DTNB: variants seen among roughly 807,000 people sequenced by gnomAD.
The protein encoded by DTNB is dystrobrevin beta.
In DTNB, 63 loss-of-function variants were observed where a neutral mutation model predicts 90.7. The observed-to-expected ratio is 0.69, with a 90% confidence interval of 0.57 to 0.86. DTNB has a LOEUF of 0.86. Among genes scored for constraint, DTNB ranks in the 40% least tolerant of loss-of-function variants. The pLI is 0.00. For synonymous variants in DTNB, 277 were observed against 286.7 expected (o/e 0.97, Z 0.34); for missense variants, 744 against 807.1 (o/e 0.92, Z 0.95).
Position 25,576,919 on chromosome 2 carries a change from C to G in DTNB, c.795G>C (p.Gln265His). 1 of 1,613,164 alleles carries G rather than the reference C, an allele frequency of 6.2e-7. No individual in the cohort carries two copies. The highest frequency in any genetic ancestry group is 8.5e-7 in the Non-Finnish European group (1 of 1,179,630). ...CACGCCAAAAGCAATTCTGGCAGAG[C>G]TGATAGTTGTGGCACTGCTGGCATC... ...RYRCQQCHNY[Q>H]LCQNCFWRGH... The change falls in exon 8 of 21, where the codon CAG becomes CAC. Residue 265 changes from glutamine to histidine, a missense_variant. Gln to His is a conservative substitution (Grantham distance 24). Transcript: ENST00000406818.
intron 9 of DTNB, among the ~76,000 whole-genome samples, chr2:25,526,774 C>CA (rs1230277595): frequency 6.6e-6 from 1 of 152,078 alleles, no homozygotes; most frequent in Non-Finnish European, 1.5e-5. Flanking sequence ...ACGACGAGCA[C>CA]ATTAGAATGG....
At position 25,377,571 on chromosome 2, in the gene DTNB, A is replaced by C. The variant is rs374650297; in HGVS notation, c.*30-18T>G. ...CTCTGTGCCTGCGCAAGACACACTCACCGTTAGTCACGGGCACTGTTGAGG... is the reference window on the plus strand; with the variant it reads ...CTCTGTGCCTGCGCAAGACACACTCCCCGTTAGTCACGGGCACTGTTGAGG... On this transcript the variant is annotated intron_variant, in intron 20 of 20. Coordinates refer to ENST00000406818, the MANE Select transcript of DTNB (RefSeq NM_021907.5). The C allele has an allele frequency of 2.6e-5, 4 of 152,544 alleles. No individual in the cohort carries two copies. The highest frequency in any genetic ancestry group is 3.8e-4 in the East Asian group (2 of 5,322). The allele number at this position is 152,544 out of a possible 1,614,324, so 9.4% of individuals were successfully genotyped here. A position where few individuals can be genotyped will look rare whatever the true frequency, so the allele number is the denominator to read the frequency against.
intron 9 of DTNB, among the ~76,000 whole-genome samples, chr2:25,520,602 A>G (rs1362286099): frequency 6.6e-6 from 1 of 152,366 alleles, no homozygotes; most frequent in Admixed American, 6.5e-5. Context: ...AATTCTGCTG[A>G]TATATTTAAA....
chr2:25,584,033 T>C (rs566753302), intron 6 of DTNB, among the ~76,000 whole-genome samples: 2 of 152,354 alleles, frequency 1.3e-5, no homozygotes, highest in African/African-American at 2.4e-5. Flanking sequence ...AGAAAATCAC[T>C]GAACATCTCT....
intron 4 of DTNB, among the ~76,000 whole-genome samples, chr2:25,618,051 C>T (rs2071305628): frequency 6.6e-6 from 1 of 152,100 alleles, no homozygotes; most frequent in African/African-American, 2.4e-5. Flanking sequence ...AAACTTAGCT[C>T]TTTTCTCTCA....
intron 12 of DTNB, among the ~76,000 whole-genome samples, chr2:25,445,002 C>G (rs1484165393): frequency 2.0e-5 from 3 of 152,092 alleles, no homozygotes; most frequent in Non-Finnish European, 2.9e-5. Context: ...CGATCATTTC[C>G]AGAAGAATTA....
In DTNB at chr2:25,455,467, A is replaced by G. The variant is rs777357540; in HGVS notation, c.1107T>C (p.Ser369=). The change falls in exon 11 of 21, where the codon AGT becomes AGC. Residue 369 remains serine (S), a synonymous_variant. Transcript: ENST00000406818. ...KRLQYSQDIP[S]HLADEHALIA... is the part of the protein sequence containing the mutation. The stretch of plus-strand genomic sequence containing the variant: ...TCAGCGCATGCTCATCGGCCAAGTG[A>G]CTGGGTATATCCTGGCTATACTGTA... The G allele has an allele frequency of 1.2e-6, 2 of 1,607,686 alleles. No individual in the cohort carries two copies. The highest frequency in any genetic ancestry group is 1.7e-6 in the Non-Finnish European group (2 of 1,177,186).
chr2:25,524,026 C>T (rs1344239228), intron 9 of DTNB, among the ~76,000 whole-genome samples: 1 of 151,742 alleles, frequency 6.6e-6, no homozygotes, highest in African/African-American at 2.4e-5. Flanking sequence ...CTCAGCCTCC[C>T]GAGTAGCTGG....
intron 10 of DTNB, among the ~76,000 whole-genome samples, chr2:25,474,593 A>G (rs1157045404): frequency 6.6e-6 from 1 of 152,192 alleles, no homozygotes; most frequent in African/African-American, 2.4e-5. Flanking sequence ...GCTATATTCT[A>G]TAGATAATAA....
intron 3 of DTNB, among the ~76,000 whole-genome samples, chr2:25,633,283 C>A (rs963244887): frequency 4.6e-5 from 7 of 152,128 alleles, no homozygotes; most frequent in Non-Finnish European, 1.0e-4. Context: ...CCTGCCTCAG[C>A]CTGCCCAGCG....
At chr2:25,446,500 C>G (rs2058449755) in intron 12 of DTNB, among the ~76,000 whole-genome samples, 1 of 152,200 alleles carries the variant, frequency 6.6e-6, no homozygotes, top group South Asian at 2.1e-4. Context: ...AAGCAATCTG[C>G]CCACCTTGGC....
In DTNB at chr2:25,549,707, T is replaced by C. The variant is rs188871092; in HGVS notation, c.877-18110A>G. Among the ~76,000 whole-genome samples, 74 of 152,274 alleles carry C rather than the reference T, an allele frequency of 4.9e-4. 2 individuals are homozygous for C. In the East Asian group the frequency reaches 0.013, roughly 27 times the overall value. On this transcript the variant is annotated intron_variant, in intron 8 of 20. Transcript: ENST00000406818. ...TATTACCTTCTGGGTTCATTTTCTT[T>C]CTTACTGCAGTGGAGTAATCATGGC...
chr2:25,633,383 C>T (rs576225287), intron 3 of DTNB, among the ~76,000 whole-genome samples: 1 of 152,278 alleles, frequency 6.6e-6, no homozygotes, highest in African/African-American at 2.4e-5. Flanking sequence ...CCGGGCTGGT[C>T]TCCAGCTCCT....
chr2:25,471,089 G>T (rs1052586119), intron 10 of DTNB, among the ~76,000 whole-genome samples: 1 of 152,216 alleles, frequency 6.6e-6, no homozygotes, highest in Non-Finnish European at 1.5e-5. Flanking sequence ...AAAGAAAATA[G>T]TGTGTGCCTT....
At chr2:25,624,611 G>A (rs866694822) in intron 4 of DTNB, among the ~76,000 whole-genome samples, 20 of 152,322 alleles carry the variant, frequency 1.3e-4, no homozygotes, top group African/African-American at 4.8e-4. Flanking sequence ...ATGTGGGTAG[G>A]CTTTTTACAG....
At chr2:25,530,418 C>CAAAG (rs2077948565) in intron 9 of DTNB, among the ~76,000 whole-genome samples, 1 of 152,100 alleles carries the variant, frequency 6.6e-6, no homozygotes, top group South Asian at 2.1e-4. Context: ...GACTAGGTGA[C>CAAAG]AAAGCGAGAC....
At chr2:25,542,628 T>G (rs1194166625) in intron 8 of DTNB, among the ~76,000 whole-genome samples, 1 of 152,224 alleles carries the variant, frequency 6.6e-6, no homozygotes, top group African/African-American at 2.4e-5. Flanking sequence ...TTGCTGAAAT[T>G]CACAAAAAGT....
intron 6 of DTNB, among the ~76,000 whole-genome samples, chr2:25,594,159 C>T (rs1317462260): frequency 6.6e-6 from 1 of 152,200 alleles, no homozygotes; most frequent in Non-Finnish European, 1.5e-5. Context: ...ACCTGAAGGA[C>T]ACTCTTGTAC....
At chr2:25,439,153 T>A (rs150796532) in intron 12 of DTNB, among the ~76,000 whole-genome samples, 1 of 152,200 alleles carries the variant, frequency 6.6e-6, no homozygotes, top group Admixed American at 6.5e-5. Context: ...AATAATAATG[T>A]ATCAATATTG....
Sources: gnomAD v4.1 joint callset for allele counts (sites outside exome capture counted in the v4.1 genomes callset) on GRCh38, gnomAD v4.1.1 for gene constraint, MANE v1.5 for transcripts, NCBI Gene and HGNC (gene_info 2026-07-23, HGNC 2026-07-21) for gene names.